The following CAMTA1 variants were observed in gnomAD, a reference collection of about 807,000 sequenced individuals.
The protein encoded by CAMTA1 is calmodulin-binding transcription activator 1.
A neutral mutation model predicts 170.9 loss-of-function variants in CAMTA1; 27 were observed. The observed-to-expected ratio is 0.16, with a 90% confidence interval of 0.12 to 0.22. The LOEUF (loss-of-function observed/expected upper bound fraction) is 0.22. CAMTA1 is among the 10% of genes least tolerant of loss of function. The probability of loss-of-function intolerance (pLI) is 1.00; values close to 1 mark genes in which losing one functional copy is unlikely to be tolerated. For synonymous variants in CAMTA1, 833 were observed against 891.5 expected (o/e 0.93, Z 1.17); for missense variants, 1,619 against 2,217.2 (o/e 0.73, Z 5.42).
chr1:7,631,241 C>G (rs924714019), intron 6 of CAMTA1, among the ~76,000 whole-genome samples: 5 of 152,202 alleles, frequency 3.3e-5, no homozygotes, highest in African/African-American at 1.2e-4. Flanking sequence ...AACCGGGCTC[C>G]CTGGACCTAC....
intron 4 of CAMTA1, among the ~76,000 whole-genome samples, chr1:7,181,209 A>G (rs1417678839): frequency 6.6e-6 from 1 of 152,224 alleles, no homozygotes; most frequent in East Asian, 1.9e-4. Context: ...TTCCTGATAT[A>G]TCATTGAAGA....
At chr1:7,498,706 T>C (rs2093889495) in intron 6 of CAMTA1, among the ~76,000 whole-genome samples, 1 of 152,104 alleles carries the variant, frequency 6.6e-6, no homozygotes, top group Admixed American at 6.5e-5. Context: ...TATATGTGTG[T>C]GCACATGGGT....
intron 22 of CAMTA1, among the ~76,000 whole-genome samples, chr1:7,763,689 C>T (rs1172844591): frequency 1.3e-5 from 2 of 152,228 alleles, no homozygotes; most frequent in Non-Finnish European, 2.9e-5. Flanking sequence ...TATGAAACCA[C>T]ATAAAACATT....
chr1:7,552,907 C>T (rs894965200), intron 6 of CAMTA1, among the ~76,000 whole-genome samples: 2 of 152,208 alleles, frequency 1.3e-5, no homozygotes, highest in South Asian at 4.1e-4. Context: ...CTGTTTCTCT[C>T]CTGCCCTGTC....
intron 4 of CAMTA1, among the ~76,000 whole-genome samples, chr1:7,103,809 TACA>T (rs1422111831): frequency 1.6e-5 from 2 of 124,272 alleles, no homozygotes; most frequent in Non-Finnish European, 3.3e-5. Flanking sequence ...CACATATACA[TACA>T]ACTACACACA....
At chr1:7,676,538 G>A (rs1052691616) in intron 10 of CAMTA1, among the ~76,000 whole-genome samples, 2 of 152,224 alleles carry the variant, frequency 1.3e-5, no homozygotes, top group African/African-American at 4.8e-5. Flanking sequence ...CTTGTCCTAG[G>A]GAGCGGCTGG....
At chr1:7,036,481 T>G (rs371396643) in intron 3 of CAMTA1, among the ~76,000 whole-genome samples, 6 of 152,216 alleles carry the variant, frequency 3.9e-5, no homozygotes, top group African/African-American at 1.4e-4. Context: ...TCAGCTTTAT[T>G]ATCACCTATG....
At chr1:7,011,314 G>A (rs1699746472) in intron 3 of CAMTA1, among the ~76,000 whole-genome samples, 1 of 152,090 alleles carries the variant, frequency 6.6e-6, no homozygotes, top group Non-Finnish European at 1.5e-5. Flanking sequence ...AAATGATGCT[G>A]GGATTACATG....
intron 3 of CAMTA1, among the ~76,000 whole-genome samples, chr1:6,838,670 C>T (rs1436001543): frequency 1.3e-5 from 2 of 152,142 alleles, no homozygotes; most frequent in African/African-American, 4.8e-5. Flanking sequence ...AATAGGTTTA[C>T]TGTACATGTA....
chr1:7,754,669 C>T (rs1300288688), intron 21 of CAMTA1, among the ~76,000 whole-genome samples: 1 of 152,096 alleles, frequency 6.6e-6, no homozygotes, highest in Admixed American at 6.5e-5. Context: ...AGATGGATAA[C>T]AAGAAGGTTC....
At chr1:7,492,979 A>G (rs577934441) in intron 6 of CAMTA1, among the ~76,000 whole-genome samples, 12 of 149,638 alleles carry the variant, frequency 8.0e-5, no homozygotes, top group African/African-American at 2.5e-4. Context: ...GCGCTCAAAC[A>G]CAAACATACA....
At chr1:7,526,712 C>T (rs560834136) in intron 6 of CAMTA1, among the ~76,000 whole-genome samples, 42 of 152,306 alleles carry the variant, frequency 2.8e-4, no homozygotes, top group Admixed American at 1.4e-3. Flanking sequence ...GAACACCAGC[C>T]TGCGTTCTAG....
chr1:7,749,884 C>A (rs2096883640), intron 19 of CAMTA1: 1 of 450,544 alleles, frequency 2.2e-6, no homozygotes, highest in Non-Finnish European at 4.5e-6. Flanking sequence ...ATTAAGATGG[C>A]ACAGTCATGG....
intron 3 of CAMTA1, among the ~76,000 whole-genome samples, chr1:6,864,879 G>A (rs1000258739): frequency 6.6e-6 from 1 of 152,174 alleles, no homozygotes; most frequent in Non-Finnish European, 1.5e-5. Context: ...ACGTGCCTCG[G>A]CATGTCACTG....
At chr1:7,253,542 C>T (rs1452523440) in intron 5 of CAMTA1, among the ~76,000 whole-genome samples, 1 of 152,232 alleles carries the variant, frequency 6.6e-6, no homozygotes, top group Non-Finnish European at 1.5e-5. Context: ...ACAATTACTA[C>T]TGAGACAGTC....
At chr1:7,504,218 C>G (rs1253280678) in intron 6 of CAMTA1, among the ~76,000 whole-genome samples, 1 of 152,252 alleles carries the variant, frequency 6.6e-6, no homozygotes, top group Admixed American at 6.5e-5. Flanking sequence ...TCCTGCCAGG[C>G]TCTGCTGCCC....
At chr1:7,514,106 G>T (rs2094245531) in intron 6 of CAMTA1, among the ~76,000 whole-genome samples, 1 of 152,192 alleles carries the variant, frequency 6.6e-6, no homozygotes, top group South Asian at 2.1e-4. Context: ...GAATTTGGGG[G>T]ATGTGAATCA....
intron 3 of CAMTA1, among the ~76,000 whole-genome samples, chr1:6,947,799 TTTCTTA>T (rs1687822868): frequency 1.3e-5 from 2 of 152,230 alleles, no homozygotes; most frequent in African/African-American, 4.8e-5. Context: ...ATGGAATTAT[TTTCTTA>T]ATTTTATTTC....
intron 6 of CAMTA1, among the ~76,000 whole-genome samples, chr1:7,569,609 C>T (rs115683155): frequency 0.046 from 7,010 of 151,758 alleles, 566 homozygotes; most frequent in African/African-American, 0.16. Flanking sequence ...GTCATCACCA[C>T]CATCACCATC....
Sources: allele counts gnomAD v4.1 joint callset (sites outside exome capture counted in the v4.1 genomes callset), GRCh38; gene constraint gnomAD v4.1.1; transcripts MANE v1.5; gene names NCBI Gene and HGNC (gene_info 2026-07-23, HGNC 2026-07-21).